PDXDC1: variants seen among roughly 807,000 people sequenced by gnomAD.
PDXDC1 encodes pyridoxal-dependent decarboxylase domain-containing protein 1.
A neutral mutation model predicts 100.1 loss-of-function variants in PDXDC1; 42 were observed. That is an observed-to-expected ratio of 0.42 (90% confidence interval 0.33 to 0.54). The LOEUF (loss-of-function observed/expected upper bound fraction) is 0.54, where lower values mean the gene tolerates loss of function less well. PDXDC1 is among the 20% of genes least tolerant of loss of function. PDXDC1 has a pLI of 0.10. For missense variants in PDXDC1, 636 were observed against 979.2 expected, an observed-to-expected ratio of 0.65 and a Z score of 4.68; for synonymous variants, 260 against 371.7, an observed-to-expected ratio of 0.70 and a Z score of 3.46.
At chr16:15,145,122 C>T in the PDXDC1 span, among the ~76,000 whole-genome samples, 6 of 152,330 alleles carry the variant, frequency 3.9e-5, no homozygotes, top group East Asian at 7.7e-4. Context: ...AACACCTCCC[C>T]GGGCAGCCAG....
intron 1 of PDXDC1, among the ~76,000 whole-genome samples, chr16:14,977,994 ATCAC>A (rs1354026963): frequency 2.0e-5 from 3 of 152,184 alleles, no homozygotes; most frequent in Admixed American, 6.5e-5. Context: ...ATTTAGTAGA[ATCAC>A]TCAGTGATTT....
chr16:15,059,623 G>C (rs1290347945), intron 16 of PDXDC1, among the ~76,000 whole-genome samples: 1 of 152,152 alleles, frequency 6.6e-6, no homozygotes, highest in East Asian at 1.9e-4. Context: ...GACCAAACCA[G>C]AGCACACAGA....
chr16:15,128,701 C>G (rs530696219), intron 16 of PDXDC1, among the ~76,000 whole-genome samples: 22 of 152,260 alleles, frequency 1.4e-4, no homozygotes, highest in Admixed American at 1.2e-3. Flanking sequence ...CTCAGTCACG[C>G]CACAACCAGT....
downstream of PDXDC1, among the ~76,000 whole-genome samples, chr16:15,142,938 A>G (rs2457528): frequency 2.0e-5 from 3 of 152,132 alleles, no homozygotes; most frequent in Non-Finnish European, 2.9e-5. Flanking sequence ...TGGGGTCCCA[A>G]GCCCTTGCTG....
intron 19 of PDXDC1, 125 bp from the exon 20 acceptor site, chr16:15,034,161 C>G: frequency 1.3e-6 from 1 of 753,572 alleles, no homozygotes; most frequent in Non-Finnish European, 2.2e-6. Flanking sequence ...CGTTTTACGC[C>G]GGCTTTTCAA....
intron 16 of PDXDC1, among the ~76,000 whole-genome samples, chr16:15,101,318 T>C (rs1012289017): frequency 5.9e-5 from 9 of 152,146 alleles, no homozygotes; most frequent in Non-Finnish European, 1.2e-4. Flanking sequence ...TCTTTTTTGT[T>C]TGTTTGTTTG....
chr16:15,094,240 G>A (rs1200858510), intron 16 of PDXDC1: 6 of 1,571,536 alleles, frequency 3.8e-6, no homozygotes, highest in Admixed American at 1.9e-5. Flanking sequence ...CCATTGGGCC[G>A]AACTAACGCG....
chr16:15,025,709 C>G (rs1176494760), intron 13 of PDXDC1: 2 of 152,550 alleles, frequency 1.3e-5, no homozygotes, highest in African/African-American at 4.8e-5. Context: ...ATTACTAGAG[C>G]TATAGTACTG....
chr16:15,139,711 G>A (rs1158865994), downstream of PDXDC1, among the ~76,000 whole-genome samples: 1 of 152,156 alleles, frequency 6.6e-6, no homozygotes, highest in Non-Finnish European at 1.5e-5. Flanking sequence ...AGCCAGGGAG[G>A]TCGAGGCTGC....
chr16:15,066,835 CAG>C (rs2151765396), intron 16 of PDXDC1, among the ~76,000 whole-genome samples: 1 of 151,928 alleles, frequency 6.6e-6, no homozygotes, highest in South Asian at 2.1e-4. Context: ...TGTACCTAGG[CAG>C]AGACTTTTAT....
intron 16 of PDXDC1, among the ~76,000 whole-genome samples, chr16:15,069,052 A>G (rs1258742886): frequency 2.0e-5 from 3 of 152,220 alleles, no homozygotes; most frequent in Non-Finnish European, 2.9e-5. Flanking sequence ...ATAAAACCTC[A>G]TCCTACTAGT....
chr16:15,114,958 T>G (rs2047192972), intron 16 of PDXDC1, among the ~76,000 whole-genome samples: 1 of 144,280 alleles, frequency 6.9e-6, no homozygotes, highest in Non-Finnish European at 1.5e-5. Flanking sequence ...TGAGACAGAG[T>G]TCTGCTCCAC....
At chr16:15,084,448 A>C (rs1274114415) in intron 16 of PDXDC1, among the ~76,000 whole-genome samples, 1 of 149,974 alleles carries the variant, frequency 6.7e-6, no homozygotes, top group Non-Finnish European at 1.5e-5. Flanking sequence ...ACAAACTTTG[A>C]AAAACAATTA....
intron 16 of PDXDC1, among the ~76,000 whole-genome samples, chr16:15,053,403 G>C (rs566669208): frequency 2.0e-5 from 3 of 152,142 alleles, no homozygotes; most frequent in Admixed American, 2.0e-4. Context: ...TCTAACTGTT[G>C]GTACTCCATA....
intron 16 of PDXDC1, among the ~76,000 whole-genome samples, chr16:15,062,117 C>G (rs543820687): frequency 6.6e-6 from 1 of 152,300 alleles, no homozygotes; most frequent in South Asian, 2.1e-4. Context: ...AGTTCCGAAT[C>G]CAGCCTGGGC....
chr16:15,035,683 CCATCT>C (rs1357937666), intron 22 of PDXDC1, 130 bp downstream of exon 22: 8 of 605,020 alleles, frequency 1.3e-5, no homozygotes, highest in Non-Finnish European at 2.3e-5. Context: ...ATCTCTTTAA[CCATCT>C]TGGTAGCCGT....
intron 16 of PDXDC1, chr16:15,135,987 C>T (rs2048330698): frequency 6.4e-7 from 1 of 1,559,480 alleles, no homozygotes; most frequent in South Asian, 1.1e-5. Flanking sequence ...TGGGCCCGAG[C>T]CAGATGCAGT....
At chr16:15,051,183 G>C (rs2044277660) in intron 16 of PDXDC1, among the ~76,000 whole-genome samples, 1 of 152,186 alleles carries the variant, frequency 6.6e-6, no homozygotes, top group Non-Finnish European at 1.5e-5. Flanking sequence ...GTTCACAATT[G>C]GGTCACCACT....
At chr16:15,132,912 C>A (rs1279907723) in intron 16 of PDXDC1, 2 of 1,588,204 alleles carry the variant, frequency 1.3e-6, no homozygotes, top group Admixed American at 3.3e-5. Flanking sequence ...GTCAGCAGGG[C>A]AGGAGACCGG....
Sources: gnomAD v4.1 joint callset for allele counts (sites outside exome capture counted in the v4.1 genomes callset) on GRCh38, gnomAD v4.1.1 for gene constraint, MANE v1.5 for transcripts, NCBI Gene and HGNC (gene_info 2026-07-23, HGNC 2026-07-21) for gene names.